MIB1: variants seen among roughly 807,000 people sequenced by gnomAD.
MIB1 encodes the protein MIB E3 ubiquitin protein ligase 1.
A neutral mutation model predicts 124.5 loss-of-function variants in MIB1; 278 were observed. The observed-to-expected ratio is 2.23, with a 90% CI of 2.02 to 2.47. The LOEUF (loss-of-function observed/expected upper bound fraction) is 2.47. MIB1 is among the 30% of genes most tolerant of loss of function. MIB1 has a pLI of 0.00. For synonymous variants in MIB1, 446 were observed against 429.4 expected (o/e 1.04, Z -0.48); for missense variants, 957 against 1,254.4 (o/e 0.76, Z 3.58).
chr18:21,760,116 C>T (rs1448260872), intron 1 of MIB1, among the ~76,000 whole-genome samples: 3 of 151,894 alleles, frequency 2.0e-5, no homozygotes, highest in Non-Finnish European at 4.4e-5. Flanking sequence ...GGCATTAACT[C>T]CTTAGGGTAA....
intron 9 of MIB1, among the ~76,000 whole-genome samples, chr18:21,801,033 A>C (rs1427762062): frequency 6.6e-6 from 1 of 152,114 alleles, no homozygotes; most frequent in Non-Finnish European, 1.5e-5. Flanking sequence ...ATAGTACTAA[A>C]AATTTAAAGG....
chr18:21,835,190 A>G (rs142660054), intron 12 of MIB1, among the ~76,000 whole-genome samples: 118 of 152,248 alleles, frequency 7.8e-4, no homozygotes, highest in African/African-American at 2.7e-3. Flanking sequence ...GCAGGGAAGT[A>G]TATTTTAGAA....
In MIB1 at chr18:21,867,213, C is replaced by T. The variant is rs950422462; in HGVS notation, c.*2547C>T. On this transcript the variant is annotated 3_prime_UTR_variant, in exon 21 of 21. Coordinates refer to ENST00000261537, the MANE Select transcript of MIB1 (RefSeq NM_020774.4). ...AGCACACTCAGAATTTATTGTGCAG[C>T]AGTTGTGTATTTTAAGGAATCTGTA... is the stretch of plus-strand genomic sequence containing the variant. The T allele has an allele frequency of 6.6e-6, 1 of 152,226 alleles. No individual in the cohort carries two copies. Among genetic ancestry groups the T allele is most frequent in the African/African-American group, 2.4e-5 (1 of 41,430 alleles). The allele number at this position is 152,226 out of a possible 1,614,324, so 9.4% of individuals were successfully genotyped here. A position where few individuals can be genotyped will look rare whatever the true frequency, so the allele number is the denominator to read the frequency against.
intron 9 of MIB1, among the ~76,000 whole-genome samples, chr18:21,800,313 A>G (rs890348947): frequency 4.6e-5 from 7 of 151,966 alleles, no homozygotes; most frequent in Non-Finnish European, 8.8e-5. Context: ...TGAATTTTAT[A>G]AGCAATTTTC....
rs766332514 is a variant in MIB1 at position 21,819,574 on chromosome 18, G to T, written c.1757G>T (p.Gly586Val). ...DDILAVLLEA[G>V]ADVTITNNNG... Reference sequence around the variant, plus strand: ...ATCCTAGCAGTTCTTTTGGAAGCTGGAGCAGATGTTACCATCACAAACAAT... The same window carrying T: ...ATCCTAGCAGTTCTTTTGGAAGCTGTAGCAGATGTTACCATCACAAACAAT... The change falls in exon 12 of 21, where the codon GGA becomes GTA. Residue 586 changes from glycine to valine, a missense_variant. By Grantham distance (109) the Gly-to-Val change is moderately radical. Coordinates refer to ENST00000261537, the MANE Select transcript of MIB1 (RefSeq NM_020774.4). 2 of 1,612,308 alleles carry T rather than the reference G, an allele frequency of 1.2e-6. No homozygotes were observed. Among genetic ancestry groups the T allele is most frequent in the South Asian group, 1.1e-5 (1 of 90,754 alleles).
chr18:21,870,042 G>A lies in MIB1; in HGVS notation c.*5376G>A, dbSNP rs2042344827. 6.6e-6 allele frequency: 1 copy of A among 152,390 alleles called. No individual in the cohort carries two copies. Among genetic ancestry groups the A allele is most frequent in the South Asian group, 2.1e-4 (1 of 4,822 alleles). 9.4% of individuals were successfully genotyped at this position (152,390 alleles called of 1,614,324 possible). A position where few individuals can be genotyped will look rare whatever the true frequency, so the allele number is the denominator to read the frequency against. On this transcript the variant is annotated 3_prime_UTR_variant, in exon 21 of 21. Coordinates refer to ENST00000261537, the MANE Select transcript of MIB1 (RefSeq NM_020774.4). ...TCAATATTGGATTAAAGTCTTGTTTGTGAATATAGTTTCCGTATGGCAAAT... is the reference window on the plus strand; with the variant it reads ...TCAATATTGGATTAAAGTCTTGTTTATGAATATAGTTTCCGTATGGCAAAT...
intron 2 of MIB1, among the ~76,000 whole-genome samples, chr18:21,766,223 AAAAAGATACC>A (rs1290186781): frequency 6.6e-6 from 1 of 152,204 alleles, no homozygotes; most frequent in Non-Finnish European, 1.5e-5. Context: ...AAGGGTATCC[AAAAAGATACC>A]AATTGTTTTC....
At chr18:21,833,031 A>G (rs865987585) in intron 12 of MIB1, among the ~76,000 whole-genome samples, 1 of 152,196 alleles carries the variant, frequency 6.6e-6, no homozygotes, top group Non-Finnish European at 1.5e-5. Context: ...GATTCTTCTC[A>G]CATTTTACAG....
At chr18:21,778,888 T>C (rs1036250603) in intron 5 of MIB1, among the ~76,000 whole-genome samples, 10 of 152,124 alleles carry the variant, frequency 6.6e-5, no homozygotes, top group African/African-American at 2.4e-4. Flanking sequence ...TTGTTTTGTG[T>C]TTTGCTTTCA....
intron 18 of MIB1, among the ~76,000 whole-genome samples, chr18:21,856,512 C>T (rs1215286135): frequency 1.3e-5 from 2 of 151,850 alleles, no homozygotes; most frequent in South Asian, 2.1e-4. Flanking sequence ...TGTATTTTAG[C>T]GAAAAGCCAT....
intron 12 of MIB1, among the ~76,000 whole-genome samples, chr18:21,831,663 A>AG (rs905878381): frequency 6.2e-5 from 9 of 146,062 alleles, no homozygotes; most frequent in Non-Finnish European, 1.1e-4. Context: ...TTTTTTTTTG[A>AG]GGGGGGGTAA....
At chr18:21,759,084 C>G (rs1409886591) in intron 1 of MIB1, among the ~76,000 whole-genome samples, 1 of 151,878 alleles carries the variant, frequency 6.6e-6, no homozygotes, top group Non-Finnish European at 1.5e-5. Context: ...GCATTCTTTC[C>G]CCTCCTCGCC....
intron 6 of MIB1, among the ~76,000 whole-genome samples, chr18:21,789,677 C>T (rs1254933458): frequency 2.0e-5 from 3 of 151,952 alleles, no homozygotes; most frequent in Admixed American, 6.6e-5. Flanking sequence ...ATTAGCTGAG[C>T]GTTGTGGTGC....
chr18:21,737,414 A>C (rs192269051), upstream of MIB1, among the ~76,000 whole-genome samples: 1 of 152,336 alleles, frequency 6.6e-6, no homozygotes, highest in East Asian at 1.9e-4. Flanking sequence ...AGTACCAGCC[A>C]CTGAAAAACA....
At chr18:21,772,326 G>A (rs561934938) in intron 3 of MIB1, among the ~76,000 whole-genome samples, 14 of 152,304 alleles carry the variant, frequency 9.2e-5, no homozygotes, top group African/African-American at 3.4e-4. Context: ...AATCTGAATT[G>A]CATGTGTGCA....
At chr18:21,833,310 C>T (rs894308929) in intron 12 of MIB1, among the ~76,000 whole-genome samples, 1 of 152,138 alleles carries the variant, frequency 6.6e-6, no homozygotes, top group African/African-American at 2.4e-5. Flanking sequence ...TTCATTTCTT[C>T]CATTCAACAA....
chr18:21,834,786 A>G (rs2042011715), intron 12 of MIB1, among the ~76,000 whole-genome samples: 1 of 152,228 alleles, frequency 6.6e-6, no homozygotes, highest in Admixed American at 6.5e-5. Context: ...AAAGACAACT[A>G]AATGTAAAGG....
intron 20 of MIB1, among the ~76,000 whole-genome samples, chr18:21,861,936 C>G (rs1005559863): frequency 6.6e-6 from 1 of 151,900 alleles, no homozygotes; most frequent in Admixed American, 6.6e-5. Context: ...GGATCTTACT[C>G]TGTCACCCAG....
chr18:21,748,729 C>A (rs1198540527), intron 1 of MIB1, among the ~76,000 whole-genome samples: 2 of 136,928 alleles, frequency 1.5e-5, no homozygotes, highest in African/African-American at 5.8e-5. Context: ...TCATGCCCAG[C>A]CTTTTTTTTT....
Sources: gnomAD v4.1 joint callset for allele counts (sites outside exome capture counted in the v4.1 genomes callset) on GRCh38, gnomAD v4.1.1 for gene constraint, MANE v1.5 for transcripts, NCBI Gene and HGNC (gene_info 2026-07-23, HGNC 2026-07-21) for gene names.